The following PTPN3 variants were observed in gnomAD, a reference collection of about 807,000 sequenced individuals.
The protein encoded by PTPN3 is tyrosine-protein phosphatase non-receptor type 3.
A neutral mutation model predicts 132.7 loss-of-function variants in PTPN3; 96 were observed. The ratio of observed to expected loss-of-function variants is 0.72; its 90% CI spans 0.61 to 0.86. The LOEUF is 0.86. Among genes scored for constraint, PTPN3 ranks in the 40% least tolerant of loss-of-function variants. PTPN3 has a pLI of 0.00. For missense variants in PTPN3, 1,125 were observed against 1,159.6 expected (o/e 0.97, Z 0.43); for synonymous variants, 398 against 429.0 (o/e 0.93, Z 0.89).
At chr9:109,526,643 C>T in the PTPN3 span, among the ~76,000 whole-genome samples, 31 of 152,112 alleles carry the variant, frequency 2.0e-4, no homozygotes, top group African/African-American at 6.7e-4. Context: ...CCACTGCACT[C>T]CAGCGTAGGT....
At chr9:109,485,586 G>A (rs930423909) in intron 1 of PTPN3, among the ~76,000 whole-genome samples, 3 of 152,192 alleles carry the variant, frequency 2.0e-5, no homozygotes, top group East Asian at 1.9e-4. Context: ...CCAGATCCTC[G>A]CCCTCTTCTC....
intron 1 of PTPN3, among the ~76,000 whole-genome samples, chr9:109,472,059 G>C (rs1846410407): frequency 6.6e-6 from 1 of 152,208 alleles, no homozygotes; most frequent in Non-Finnish European, 1.5e-5. Context: ...CGGTCTGGGA[G>C]AAGTGCTTCC....
intron 14 of PTPN3, among the ~76,000 whole-genome samples, 184 bp downstream of exon 14, chr9:109,420,240 A>G (rs1842795129): frequency 6.6e-6 from 1 of 152,226 alleles, no homozygotes; most frequent in African/African-American, 2.4e-5. Context: ...CCCCAGGCAC[A>G]TAGACCGTCT....
chr9:109,437,419 T>C (rs1023889195), intron 8 of PTPN3, among the ~76,000 whole-genome samples: 1 of 152,224 alleles, frequency 6.6e-6, no homozygotes, highest in Non-Finnish European at 1.5e-5. Context: ...GGTTTGGCAA[T>C]GCCTTCTTAG....
the PTPN3 span, among the ~76,000 whole-genome samples, chr9:109,513,658 C>G: frequency 6.6e-6 from 1 of 151,996 alleles, no homozygotes; most frequent in Non-Finnish European, 1.5e-5. Context: ...GTTTAAACTT[C>G]TGAAAAAAGA....
the PTPN3 span, among the ~76,000 whole-genome samples, chr9:109,512,253 T>C: frequency 0.13 from 20,391 of 152,156 alleles, 1,547 homozygotes; most frequent in Middle Eastern, 0.25. Flanking sequence ...CTACCAAATC[T>C]GAAAACCTCT....
rs386415826 is a variant in PTPN3, at chr9:109,408,429, C to CAAAA, written c.1579-53_1579-52insTTTT. 12 of 1,404,734 alleles carry CAAAA rather than the reference C, an allele frequency of 8.5e-6. No homozygotes were observed. The Admixed American group carries it at 1.6e-4, about 19-fold the overall frequency. The allele number at this position is 1,404,734 out of a possible 1,614,324, so 87.0% of individuals were successfully genotyped here. A position where few individuals can be genotyped will look rare whatever the true frequency, so the allele number is the denominator to read the frequency against. Reference sequence around the variant, plus strand: ...AACAAAGTTTTTTAAGTTAAACAAACAAACAAACAAAAAAACGAGTAGCTC... The same window carrying CAAAA: ...AACAAAGTTTTTTAAGTTAAACAAACAAAAAAACAAACAAAAAAACGAGTAGCTC... On this transcript the variant is annotated intron_variant, in intron 16 of 25. Transcript: ENST00000374541.
chr9:109,526,128 C>G, the PTPN3 span, among the ~76,000 whole-genome samples: 1 of 151,852 alleles, frequency 6.6e-6, no homozygotes, highest in African/African-American at 2.4e-5. Context: ...ACAACAAAAG[C>G]CACAAAATAT....
chr9:109,390,235 T>C (rs1365931188), intron 21 of PTPN3, among the ~76,000 whole-genome samples: 1 of 152,248 alleles, frequency 6.6e-6, no homozygotes, highest in Admixed American at 6.5e-5. Flanking sequence ...GTGGAATCAC[T>C]GATGAGACCA....
chr9:109,487,614 T>C (rs1847272192), intron 1 of PTPN3, among the ~76,000 whole-genome samples: 1 of 152,180 alleles, frequency 6.6e-6, no homozygotes, highest in Non-Finnish European at 1.5e-5. Flanking sequence ...CTACAGGATA[T>C]GGAAATTCAA....
At chr9:109,490,952 C>G (rs1238838457) in intron 1 of PTPN3, among the ~76,000 whole-genome samples, 1 of 150,846 alleles carries the variant, frequency 6.6e-6, no homozygotes, top group Non-Finnish European at 1.5e-5. Flanking sequence ...TATCCCAGTA[C>G]TTTGGGAGGC....
chr9:109,493,737 A>C (rs1256735969), intron 1 of PTPN3, among the ~76,000 whole-genome samples: 1 of 152,190 alleles, frequency 6.6e-6, no homozygotes, highest in Non-Finnish European at 1.5e-5. Context: ...AAATGGGGTC[A>C]GTGCTCCACT....
At position 109,438,137 on chromosome 9, in the gene PTPN3, G is replaced by C. The variant is rs148263399; in HGVS notation, c.564C>G (p.Val188=). The part of the protein sequence containing the change: ...PDQNEDFLTK[V]ESLHEQHSGL... ...ACCTGTGCTGCTCATGCAGAGATTC[G>C]ACTTTTGTTAAAAAGTCCTCATTTT... Residue 188 remains valine (V), a synonymous_variant, in exon 8 of 26, where the codon GTC becomes GTG. Coordinates refer to ENST00000374541, the MANE Select transcript of PTPN3 (RefSeq NM_002829.4). The C allele has an allele frequency of 2.0e-4, 321 of 1,613,748 alleles. 4 individuals are homozygous for C. In the South Asian group the frequency reaches 2.7e-3, roughly 14 times the overall value.
Position 109,454,451 on chromosome 9 carries a change from T to G in PTPN3, c.368+45A>C. The G allele has an allele frequency of 2.0e-6, 3 of 1,485,706 alleles. No individual in the cohort carries two copies. In the Admixed American group the frequency reaches 5.1e-5, roughly 25 times the overall value. The allele number at this position is 1,485,706 out of a possible 1,614,324, so 92.0% of individuals were successfully genotyped here. A position where few individuals can be genotyped will look rare whatever the true frequency, so the allele number is the denominator to read the frequency against. ...TGAAGAGTACATTTTTAGTGGTTAC[T>G]CATTTTTATACACTAAACAGAAAAC... On this transcript the variant is annotated intron_variant, in intron 5 of 25. Coordinates refer to ENST00000374541, the MANE Select transcript of PTPN3 (RefSeq NM_002829.4).
chr9:109,431,150 G>A (rs1427973310), intron 10 of PTPN3, among the ~76,000 whole-genome samples: 1 of 152,228 alleles, frequency 6.6e-6, no homozygotes. Flanking sequence ...AAGGGTGAGG[G>A]AGGCTTCAGC....
the PTPN3 span, among the ~76,000 whole-genome samples, chr9:109,523,977 G>C: frequency 6.6e-6 from 1 of 152,234 alleles, no homozygotes; most frequent in African/African-American, 2.4e-5. Context: ...TGGTCATGGT[G>C]GCTCACACCT....
chr9:109,517,352 C>G, the PTPN3 span, among the ~76,000 whole-genome samples: 1 of 152,254 alleles, frequency 6.6e-6, no homozygotes, highest in South Asian at 2.1e-4. Context: ...GCCTGGGGAA[C>G]CAACATCATC....
intron 1 of PTPN3, among the ~76,000 whole-genome samples, chr9:109,480,758 C>T (rs1386060561): frequency 6.6e-6 from 1 of 152,090 alleles, no homozygotes; most frequent in Non-Finnish European, 1.5e-5. Context: ...AGTCCTTCAC[C>T]AGCACGATCT....
At chr9:109,483,524 G>A (rs1847062581) in intron 1 of PTPN3, among the ~76,000 whole-genome samples, 2 of 152,182 alleles carry the variant, frequency 1.3e-5, no homozygotes, top group Non-Finnish European at 2.9e-5. Flanking sequence ...CATGTGGGGA[G>A]TGCTAAGACA....
Sources: allele counts gnomAD v4.1 joint callset (sites outside exome capture counted in the v4.1 genomes callset), GRCh38; gene constraint gnomAD v4.1.1; transcripts MANE v1.5; gene names NCBI Gene and HGNC (gene_info 2026-07-23, HGNC 2026-07-21).